The following USP10 variants were observed in gnomAD, a reference collection of about 807,000 sequenced individuals.
USP10 encodes ubiquitin specific peptidase 10.
In USP10, 22 loss-of-function variants were observed where a neutral mutation model predicts 84.5. The observed-to-expected ratio is 0.26, with a 90% confidence interval of 0.19 to 0.37. USP10 has a LOEUF of 0.37. Among genes scored for constraint, USP10 ranks in the 10% least tolerant of loss-of-function variants. The pLI is 1.00. For missense variants in USP10, 1,019 were observed against 998.9 expected (o/e 1.02, Z -0.27); for synonymous variants, 454 against 387.6 (o/e 1.17, Z -2.01).
chr16:84,764,939 A>AAAAATATATAT lies in USP10; in HGVS notation c.1832+677_1832+678insAAATATATATA, dbSNP rs370383030. On this transcript the variant is annotated intron_variant, in intron 10 of 13. Transcript: ENST00000219473. The stretch of plus-strand genomic sequence containing the variant: ...TAACCACGAGAGAGAGAGAAAAAAA[A>AAAAATATATAT]ATATATATATATATATTAGACTTCA... Among the ~76,000 whole-genome samples, 991 of 132,238 alleles carry AAAAATATATAT rather than the reference A, an allele frequency of 7.5e-3. 8 individuals are homozygous for AAAAATATATAT. Among genetic ancestry groups the AAAAATATATAT allele is most frequent in the East Asian group, 0.027 (110 of 4,070 alleles). 86.8% of individuals were successfully genotyped at this position (132,238 alleles called of 152,430 possible).
chr16:84,775,545 C>A (rs550716880), intron 13 of USP10, among the ~76,000 whole-genome samples: 39 of 152,324 alleles, frequency 2.6e-4, no homozygotes, highest in African/African-American at 8.9e-4. Context: ...CTTGTGGCAC[C>A]TGTGGGTGAC....
intron 11 of USP10, among the ~76,000 whole-genome samples, chr16:84,768,689 A>C (rs61082930): frequency 0.018 from 2,757 of 152,330 alleles, 83 homozygotes; most frequent in African/African-American, 0.063. Context: ...ATTTATGTTC[A>C]TGATACCGTA....
intron 1 of USP10, among the ~76,000 whole-genome samples, chr16:84,706,207 G>A (rs567131001): frequency 6.6e-6 from 1 of 152,014 alleles, no homozygotes; most frequent in Non-Finnish European, 1.5e-5. Flanking sequence ...GCAAGTATCA[G>A]TCTTTTTACT....
chr16:84,757,024 C>A (rs1032359739), intron 4 of USP10, among the ~76,000 whole-genome samples: 1 of 152,122 alleles, frequency 6.6e-6, no homozygotes, highest in African/African-American at 2.4e-5. Context: ...GTTATGTGAC[C>A]TCAGTTTTCT....
intron 1 of USP10, among the ~76,000 whole-genome samples, chr16:84,723,242 A>C (rs1363373978): frequency 6.6e-6 from 1 of 151,658 alleles, no homozygotes; most frequent in Non-Finnish European, 1.5e-5. Flanking sequence ...GGTAATTGTT[A>C]ATGATTTTTC....
intron 4 of USP10, among the ~76,000 whole-genome samples, chr16:84,747,337 C>T (rs943201284): frequency 1.2e-4 from 18 of 152,110 alleles, no homozygotes; most frequent in Admixed American, 8.5e-4. Flanking sequence ...GCACACCCTT[C>T]GATGGATGGT....
rs1381200585 is a variant in USP10 at position 84,735,226 on chromosome 16, TGTGTGTGTGTGG to T, written c.90+1724_90+1735del. Among the ~76,000 whole-genome samples, 228 of 150,842 alleles carry T rather than the reference TGTGTGTGTGTGG, an allele frequency of 1.5e-3. 1 individual carries two copies. Among genetic ancestry groups the T allele is most frequent in the African/African-American group, 5.3e-3 (217 of 40,968 alleles). On this transcript the variant is annotated intron_variant, in intron 2 of 13. Transcript: ENST00000219473. ...GTGTGTGTGTGTGTGTGTGTGTGTG[TGTGTGTGTGTGG>T]TGTGTGTGTTTTTAAGTAAGGGGAT... is the stretch of plus-strand genomic sequence containing the variant.
At chr16:84,766,181 C>G (rs376231447) in intron 10 of USP10, among the ~76,000 whole-genome samples, 27 of 152,242 alleles carry the variant, frequency 1.8e-4, no homozygotes, top group East Asian at 7.7e-4. Context: ...CCTCAGAAAC[C>G]TGCGCTGACG....
intron 1 of USP10, among the ~76,000 whole-genome samples, chr16:84,730,214 A>G (rs1048745674): frequency 5.9e-5 from 9 of 152,288 alleles, no homozygotes; most frequent in African/African-American, 2.2e-4. Context: ...CTTTATGCAG[A>G]CACAAATATC....
At position 84,702,873 on chromosome 16, in the gene USP10, G is replaced by A. The variant is rs369604243; in HGVS notation, c.21+2762G>A. On this transcript the variant is annotated intron_variant, in intron 1 of 13. Transcript: ENST00000219473. ...CCGAGTGTGGTGAAGCTCGCCTGTA[G>A]TCCCAGGTACTTGGGAGGCTGAGGC... is the stretch of plus-strand genomic sequence containing the variant. 4.6e-5 allele frequency among the ~76,000 whole-genome samples: 7 copies of A among 151,344 alleles called. No individual in the cohort carries two copies. The East Asian group carries it at 7.8e-4, about 17-fold the overall frequency.
Position 84,772,512 on chromosome 16 carries a change from G to A in USP10, c.1999-29G>A, listed in dbSNP as rs560007879. 9 of 1,612,160 alleles carry A rather than the reference G, an allele frequency of 5.6e-6. No individual in the cohort carries two copies. The East Asian group carries it at 1.1e-4, about 20-fold the overall frequency. On this transcript the variant is annotated intron_variant, in intron 11 of 13. Transcript: ENST00000219473. ...TAGCTGTTGCAAGTAAGACAGGGACGGTGTGTCCTGGTGTGCTTTGTGTCT... is the reference window on the plus strand; with the variant it reads ...TAGCTGTTGCAAGTAAGACAGGGACAGTGTGTCCTGGTGTGCTTTGTGTCT...
At chr16:84,775,576 A>T (rs1914920706) in intron 13 of USP10, among the ~76,000 whole-genome samples, 1 of 152,132 alleles carries the variant, frequency 6.6e-6, no homozygotes, top group South Asian at 2.1e-4. Context: ...AGTTTCCACG[A>T]CACCTGGTCA....
At chr16:84,700,991 T>C (rs1221762514) in intron 1 of USP10, among the ~76,000 whole-genome samples, 4 of 152,200 alleles carry the variant, frequency 2.6e-5, no homozygotes, top group African/African-American at 9.7e-5. Flanking sequence ...TTTAGACTGC[T>C]AATTTGTTGA....
chr16:84,717,032 A>C (rs1200509393), intron 1 of USP10, among the ~76,000 whole-genome samples: 2 of 152,180 alleles, frequency 1.3e-5, no homozygotes. Flanking sequence ...CTCAAACTTA[A>C]AAGTCCGTTG....
At chr16:84,711,110 C>T (rs145423977) in intron 1 of USP10, among the ~76,000 whole-genome samples, 1 of 152,128 alleles carries the variant, frequency 6.6e-6, no homozygotes, top group Non-Finnish European at 1.5e-5. Flanking sequence ...GAAGAGCTGT[C>T]ATGTCGTGTC....
chr16:84,757,690 T>C (rs966253845), intron 4 of USP10, among the ~76,000 whole-genome samples: 2 of 152,162 alleles, frequency 1.3e-5, no homozygotes, highest in African/African-American at 4.8e-5. Flanking sequence ...ATTTGTGGGT[T>C]ATATGATTAG....
intron 4 of USP10, among the ~76,000 whole-genome samples, chr16:84,753,613 G>T (rs531891677): frequency 6.6e-6 from 1 of 152,176 alleles, no homozygotes; most frequent in African/African-American, 2.4e-5. Context: ...GCGAACCCCC[G>T]TCTTCCTGGT....
intron 1 of USP10, among the ~76,000 whole-genome samples, chr16:84,707,324 A>G (rs1905662250): frequency 2.0e-5 from 3 of 152,242 alleles, no homozygotes; most frequent in Admixed American, 2.0e-4. Context: ...TTACTATAAT[A>G]TGTTACTATT....
At chr16:84,707,157 T>A (rs1905639556) in intron 1 of USP10, among the ~76,000 whole-genome samples, 1 of 152,188 alleles carries the variant, frequency 6.6e-6, no homozygotes, top group Non-Finnish European at 1.5e-5. Context: ...AATCCTTTGC[T>A]TTTTCTACTT....
Sources: gnomAD v4.1 joint callset for allele counts (sites outside exome capture counted in the v4.1 genomes callset) on GRCh38, gnomAD v4.1.1 for gene constraint, MANE v1.5 for transcripts, NCBI Gene and HGNC (gene_info 2026-07-23, HGNC 2026-07-21) for gene names.